VPS35L: variants seen among roughly 807,000 people sequenced by gnomAD.
VPS35L encodes the protein VPS35 endosomal protein sorting factor like.
VPS35L carries 83 observed loss-of-function variants against 133.0 expected under a neutral mutation model. That is an observed-to-expected ratio of 0.62 (90% CI 0.52 to 0.75). The LOEUF is 0.75. Among genes scored for constraint, VPS35L ranks in the 30% least tolerant of loss-of-function variants. The pLI is 0.00. For missense variants in VPS35L, 1,083 were observed against 1,206.8 expected (o/e 0.90, Z 1.52); for synonymous variants, 423 against 449.9 (o/e 0.94, Z 0.76).
intron 12 of VPS35L, among the ~76,000 whole-genome samples, chr16:19,613,688 C>T (rs565802295): frequency 1.3e-5 from 2 of 152,258 alleles, no homozygotes; most frequent in Non-Finnish European, 2.9e-5. Flanking sequence ...TTTGTCCACC[C>T]CTAGACTAGT....
rs28459655 is a variant in VPS35L at position 19,625,700 on chromosome 16, G to T, written c.1225-477G>T. Among the ~76,000 whole-genome samples the T allele has an allele frequency of 5.8e-3, 882 of 152,154 alleles. 10 individuals are homozygous for T. Among genetic ancestry groups the T allele is most frequent in the African/African-American group, 0.02 (820 of 41,522 alleles). ...TGATCAGTTGATTGATTGAGACAGGGTCTCCCTCTGTCTCCCAGGCTGGAG... is the reference window on the plus strand; with the variant it reads ...TGATCAGTTGATTGATTGAGACAGGTTCTCCCTCTGTCTCCCAGGCTGGAG... On this transcript the variant is annotated intron_variant, in intron 14 of 30. Transcript: ENST00000417362.
chr16:19,670,606 T>G (rs1038505331), intron 27 of VPS35L, among the ~76,000 whole-genome samples: 1 of 152,156 alleles, frequency 6.6e-6, no homozygotes, highest in Non-Finnish European at 1.5e-5. Context: ...TAACAGAAAC[T>G]AAACATAGCA....
chr16:19,693,084 C>T (rs11644432), intron 29 of VPS35L, among the ~76,000 whole-genome samples: 92,005 of 152,126 alleles, frequency 0.6, 30,143 homozygotes, highest in African/African-American at 0.85. Flanking sequence ...CCTACTGACC[C>T]TGGGGACCCC....
At chr16:19,597,928 T>C (rs550365567) in intron 8 of VPS35L, among the ~76,000 whole-genome samples, 1 of 152,234 alleles carries the variant, frequency 6.6e-6, no homozygotes, top group Non-Finnish European at 1.5e-5. Flanking sequence ...TTCATGGTTG[T>C]TGACATCATT....
rs754037163 is a variant in VPS35L, at chr16:19,699,577, A to C, written c.2722A>C (p.Lys908Gln). The C allele has an allele frequency of 7.4e-6, 12 of 1,613,966 alleles. No homozygotes were observed. Among genetic ancestry groups the C allele is most frequent in the South Asian group, 2.2e-5 (2 of 91,092 alleles). The change falls in exon 30 of 31, where the codon AAG (lysine) becomes CAG (glutamine). Residue 908 changes from lysine to glutamine, a missense_variant. Physicochemically the swap from Lys to Gln is moderately conservative, Grantham distance 53. Coordinates refer to ENST00000417362, the MANE Select transcript of VPS35L (RefSeq NM_020314.7). The surrounding 1 kb of genome is among the most constrained non-coding windows in gnomAD (Gnocchi z 4.2). ...GGCCCATGGGGACCTACGCAACAACAAGCTCAACCAGCTCTCCGTCAACCT... is the reference window on the plus strand; with the variant it reads ...GGCCCATGGGGACCTACGCAACAACCAGCTCAACCAGCTCTCCGTCAACCT... ...ILAHGDLRNN[K>Q]LNQLSVNLWH...
chr16:19,580,188 A>G (rs1971666221), intron 6 of VPS35L, among the ~76,000 whole-genome samples: 1 of 151,932 alleles, frequency 6.6e-6, no homozygotes, highest in Admixed American at 6.5e-5. Flanking sequence ...ATCTCAGCTC[A>G]CTGCAACCTC....
rs75054293 is a variant in VPS35L, at chr16:19,618,284, C to T, written c.1224+1476C>T. ...GAAAAAAAAAGGACATGACTTTAAC[C>T]GAGCAATCCCACTTTTACGAATTTA... On this transcript the variant is annotated intron_variant, in intron 14 of 30. Transcript: ENST00000417362. Among the ~76,000 whole-genome samples the T allele has an allele frequency of 6.8e-3, 1,037 of 152,096 alleles. 11 individuals are homozygous for T. The highest frequency in any genetic ancestry group is 0.014 in the Middle Eastern group (4 of 294).
rs372006739 is a variant in VPS35L at position 19,609,022 on chromosome 16, G to A, written c.929+1G>A. 57 of 1,612,944 alleles carry A rather than the reference G, an allele frequency of 3.5e-5. No homozygotes were observed. The highest frequency in any genetic ancestry group is 4.3e-5 in the Non-Finnish European group (51 of 1,179,188). ...AATGTAACAAATTCCTCTCCAAAACGTAAGGCTCTTCGGTAAAATCTAGAA... is the reference window on the plus strand; with the variant it reads ...AATGTAACAAATTCCTCTCCAAAACATAAGGCTCTTCGGTAAAATCTAGAA... On this transcript the variant is annotated splice_donor_variant, in intron 11 of 30. Coordinates refer to ENST00000417362, the MANE Select transcript of VPS35L (RefSeq NM_020314.7). LOFTEE classifies it high-confidence loss of function.
rs1057136349 is a variant in VPS35L, at chr16:19,633,236, C to T, written c.1635+64C>T. 9.2e-6 allele frequency: 13 copies of T among 1,414,364 alleles called. No individual in the cohort carries two copies. The highest frequency in any genetic ancestry group is 3.5e-5 in the South Asian group (3 of 86,918). The allele number at this position is 1,414,364 out of a possible 1,614,324, so 87.6% of individuals were successfully genotyped here. A position where few individuals can be genotyped will look rare whatever the true frequency, so the allele number is the denominator to read the frequency against. ...ATTTTGTTCTGTTGAATTAAATAGG[C>T]GTGTTGTATGGGTCAGGCTATAAAG... On this transcript the variant is annotated intron_variant, in intron 19 of 30. Coordinates refer to ENST00000417362, the MANE Select transcript of VPS35L (RefSeq NM_020314.7). This position sits in a 1 kb window ranked among gnomAD's most constrained non-coding sequence, Gnocchi z 4.1.
chr16:19,670,025 G>A (rs557072947), intron 27 of VPS35L, among the ~76,000 whole-genome samples: 1 of 152,072 alleles, frequency 6.6e-6, no homozygotes, highest in Non-Finnish European at 1.5e-5. Context: ...GAGTGCAGTG[G>A]TGCAGTTATA....
intron 5 of VPS35L, among the ~76,000 whole-genome samples, chr16:19,575,993 T>TAAA (rs768432545): frequency 1.2e-5 from 1 of 82,936 alleles, no homozygotes; most frequent in Non-Finnish European, 2.4e-5. Flanking sequence ...CCATCTCTAC[T>TAAA]AAAAAAAAAA....
At chr16:19,589,482 C>G (rs537836317) in intron 7 of VPS35L, among the ~76,000 whole-genome samples, 1 of 151,954 alleles carries the variant, frequency 6.6e-6, no homozygotes, top group South Asian at 2.1e-4. Context: ...TGGGCCCAGG[C>G]GATCTTCCTG....
chr16:19,644,888 C>T lies in VPS35L; in HGVS notation c.1868C>T (p.Ala623Val), dbSNP rs1973889667. The change falls in exon 23 of 31, where the codon GCA becomes GTA. Residue 623 changes from alanine to valine, a missense_variant and splice_region_variant. Transcript: ENST00000417362. ...VCKTMHDSVN[A>V]LTLEDEKRML... is the part of the protein sequence containing the mutation. ...TTATGTACAATTATTGATTTTAGTG[C>T]ACTCACTCTTGAGGATGAGAAAAGA... 1.3e-6 allele frequency: 2 copies of T among 1,592,320 alleles called. No individual in the cohort carries two copies. The highest frequency in any genetic ancestry group is 1.3e-5 in the African/African-American group (1 of 74,450).
chr16:19,591,946 A>G, intron 8 of VPS35L, 72 bp downstream of exon 8: 2 of 1,204,536 alleles, frequency 1.7e-6, no homozygotes, highest in Non-Finnish European at 2.5e-6. Context: ...TGGTAGAGTT[A>G]CTGTAAATTA....
chr16:19,700,529 C>G lies in VPS35L; in HGVS notation c.*53C>G. The G allele has an allele frequency of 7.0e-7, 1 of 1,431,416 alleles. No individual in the cohort carries two copies. The highest frequency in any genetic ancestry group is 1.4e-5 in the African/African-American group (1 of 71,048). The allele number at this position is 1,431,416 out of a possible 1,614,324, so 88.7% of individuals were successfully genotyped here. ...ACTCTGGTGCCAAATCCAGAAAGAT[C>G]TGCTCTGCTGCCCTGAACTCTTACG... is the stretch of plus-strand genomic sequence containing the variant. On this transcript the variant is annotated 3_prime_UTR_variant, in exon 31 of 31. Coordinates refer to ENST00000417362, the MANE Select transcript of VPS35L (RefSeq NM_020314.7).
chr16:19,694,476 C>G (rs1332924527), intron 29 of VPS35L: 1 of 151,432 alleles, frequency 6.6e-6, no homozygotes, highest in Non-Finnish European at 1.5e-5. Flanking sequence ...GCTTTTTCCC[C>G]TGATTTCTTT....
intron 28 of VPS35L, among the ~76,000 whole-genome samples, chr16:19,683,364 G>A (rs1191458375): frequency 2.0e-5 from 3 of 152,224 alleles, no homozygotes; most frequent in Non-Finnish European, 4.4e-5. Context: ...GCAGGTTTGT[G>A]ACAGGGGTAT....
rs772184499 is a variant in VPS35L at position 19,573,216 on chromosome 16, A to G, written c.383A>G (p.Tyr128Cys). Residue 128 changes from tyrosine (Y) to cysteine (C), a missense_variant, in exon 4 of 31, where the codon TAC becomes TGC. Physicochemically the swap from Tyr to Cys is radical, Grantham distance 194. Transcript: ENST00000417362. ...AAACGGGGAGAAATCCTTGCCCGGT[A>G]CACCACTACCGAAAAGCTGTCTATT... ...TNKRGEILAR[Y>C]TTTEKLSINL... is the part of the protein sequence containing the mutation. 10 of 1,613,884 alleles carry G rather than the reference A, an allele frequency of 6.2e-6. No individual in the cohort carries two copies. Among genetic ancestry groups the G allele is most frequent in the African/African-American group, 1.3e-5 (1 of 74,924 alleles).
At chr16:19,584,644 AG>A (rs755510336) in intron 7 of VPS35L, among the ~76,000 whole-genome samples, 3,744 of 150,434 alleles carry the variant, frequency 0.025, 74 homozygotes, top group Non-Finnish European at 0.039. Context: ...AAAAAAAAAA[AG>A]AGTTTCCTTT....
Sources: gnomAD v4.1 joint callset for allele counts (sites outside exome capture counted in the v4.1 genomes callset) on GRCh38, gnomAD v4.1.1 for gene constraint, Gnocchi (gnomAD v3.1) non-coding constraint, MANE v1.5 for transcripts, NCBI Gene and HGNC (gene_info 2026-07-23, HGNC 2026-07-21) for gene names.